SLC2A10: variants seen among roughly 807,000 people sequenced by gnomAD.
SLC2A10 encodes solute carrier family 2 member 10, also known as solute carrier family 2, facilitated glucose transporter member 10.
A neutral mutation model predicts 32.1 loss-of-function variants in SLC2A10; 25 were observed. The ratio of observed to expected loss-of-function variants is 0.78; its 90% CI spans 0.57 to 1.09. The LOEUF is 1.09. SLC2A10 is among the 50% of genes least tolerant of loss of function. SLC2A10 has a pLI of 0.00. For synonymous variants in SLC2A10, 332 were observed against 309.6 expected (o/e 1.07, Z -0.76); for missense variants, 673 against 686.5 (o/e 0.98, Z 0.22).
At chr20:46,721,452 A>G (rs4809600) in intron 1 of SLC2A10, among the ~76,000 whole-genome samples, 21,065 of 149,818 alleles carry the variant, frequency 0.14, 2,635 homozygotes, top group African/African-American at 0.33. Context: ...AAAAAAAAAA[A>G]AGAGAGAGAG....
intron 1 of SLC2A10, among the ~76,000 whole-genome samples, chr20:46,714,833 C>T (rs1979138457): frequency 6.6e-6 from 1 of 152,168 alleles, no homozygotes; most frequent in Admixed American, 6.5e-5. Context: ...CCTTTGAGGT[C>T]CTCCTTTATA....
In SLC2A10 at chr20:46,726,271, C is replaced by T; in HGVS notation, c.1235C>T (p.Ala412Val). The T allele has an allele frequency of 6.2e-7, 1 of 1,612,990 alleles. No homozygotes were observed. The highest frequency in any genetic ancestry group is 8.5e-7 in the Non-Finnish European group (1 of 1,180,040). ...ARGHALLRWTALLCLMVFVSA... is the reference protein window; with the variant it reads ...ARGHALLRWTVLLCLMVFVSA... ...GGGCATGCACTGCTGCGCTGGACCG[C>T]ACTGCTGTGCCTGATGGTCTTTGTC... The change falls in exon 2 of 5, where the codon GCA becomes GTA. Residue 412 changes from alanine (A) to valine (V), a missense_variant. By Grantham distance (64) the Ala-to-Val change is moderately conservative. Transcript: ENST00000359271.
rs940249001 is a variant in SLC2A10, at chr20:46,734,316, T to A, written c.*482T>A. Reference sequence around the variant, plus strand: ...ATCATTTTTTTTTTTTGAGGTGGAGTCTCATTCTGTTGCCCAGGCTGGCCT... The same window carrying A: ...ATCATTTTTTTTTTTTGAGGTGGAGACTCATTCTGTTGCCCAGGCTGGCCT... On this transcript the variant is annotated 3_prime_UTR_variant, in exon 5 of 5. Transcript: ENST00000359271. 9.7e-6 allele frequency: 2 copies of A among 206,942 alleles called. No individual in the cohort carries two copies. The highest frequency in any genetic ancestry group is 1.1e-4 in the Admixed American group (2 of 18,572). 12.8% of individuals were successfully genotyped at this position (206,942 alleles called of 1,614,324 possible).
chr20:46,716,677 T>C (rs1979259818), intron 1 of SLC2A10, among the ~76,000 whole-genome samples: 1 of 152,078 alleles, frequency 6.6e-6, no homozygotes, highest in Non-Finnish European at 1.5e-5. Context: ...CCAGCATCCA[T>C]ATGTGGTTAT....
Position 46,733,984 on chromosome 20 carries a change from G to A in SLC2A10, c.*150G>A. 2 of 741,172 alleles carry A rather than the reference G, an allele frequency of 2.7e-6. No homozygotes were observed. The highest frequency in any genetic ancestry group is 4.7e-6 in the Non-Finnish European group (2 of 422,404). 45.9% of individuals were successfully genotyped at this position (741,172 alleles called of 1,614,324 possible). On this transcript the variant is annotated 3_prime_UTR_variant, in exon 5 of 5. Transcript: ENST00000359271. ...TGGTCTGCTTTTGCTGGGGTAAAAA[G>A]GATGAAAGTCTGAGAATGCCCAACT...
At chr20:46,731,741 C>T (rs2123069063) in intron 4 of SLC2A10, among the ~76,000 whole-genome samples, 1 of 152,182 alleles carries the variant, frequency 6.6e-6, no homozygotes, top group Non-Finnish European at 1.5e-5. Flanking sequence ...TCAGGGGGCT[C>T]TTGATATCAG....
Position 46,725,322 on chromosome 20 carries a change from G to C in SLC2A10, c.286G>C (p.Gly96Arg). The C allele has an allele frequency of 6.2e-7, 1 of 1,614,086 alleles. No individual in the cohort carries two copies. The highest frequency in any genetic ancestry group is 8.5e-7 in the Non-Finnish European group (1 of 1,180,018). The stretch of plus-strand genomic sequence containing the variant: ...AGGCAGCCTGACCCTGGGCCTGGCT[G>C]GTTCCCTGGCCTGGCTGGTCCTGGG... ...LAGSLTLGLA[G>R]SLAWLVLGRA... The change falls in exon 2 of 5, where the codon GGT (glycine) becomes CGT (arginine). Residue 96 changes from glycine (G) to arginine (R), a missense_variant. Coordinates refer to ENST00000359271, the MANE Select transcript of SLC2A10 (RefSeq NM_030777.4).
chr20:46,710,912 T>C (rs1377210135), intron 1 of SLC2A10, among the ~76,000 whole-genome samples: 2 of 152,092 alleles, frequency 1.3e-5, no homozygotes, highest in Non-Finnish European at 1.5e-5. Flanking sequence ...GATCACTCTG[T>C]CGCCAGGCTG....
intron 3 of SLC2A10, among the ~76,000 whole-genome samples, chr20:46,728,744 A>C (rs2123060495): frequency 6.6e-6 from 1 of 151,368 alleles, no homozygotes; most frequent in Non-Finnish European, 1.5e-5. Flanking sequence ...CAGCCTCCCG[A>C]GTAGCTGGGG....
intron 1 of SLC2A10, among the ~76,000 whole-genome samples, chr20:46,716,417 T>C (rs1017619460): frequency 5.9e-5 from 9 of 152,040 alleles, no homozygotes; most frequent in Admixed American, 2.6e-4. Flanking sequence ...CCTCCCAAAG[T>C]GTTGGGATTA....
In SLC2A10 at chr20:46,725,174, G is replaced by A; in HGVS notation, c.138G>A (p.Glu46=). 5 of 1,614,224 alleles carry A rather than the reference G, an allele frequency of 3.1e-6. No individual in the cohort carries two copies. The highest frequency in any genetic ancestry group is 3.4e-6 in the Non-Finnish European group (4 of 1,180,038). ...LQLDFGLSCL[E]QEFLVGSLLL... ...TTGACTTTGGGCTAAGCTGCTTGGA[G>A]CAGGAGTTCCTGGTGGGCAGCCTGC... The change falls in exon 2 of 5, where the codon GAG becomes GAA. Residue 46 remains glutamate, a synonymous_variant. Coordinates refer to ENST00000359271, the MANE Select transcript of SLC2A10 (RefSeq NM_030777.4).
chr20:46,727,122 C>A, intron 3 of SLC2A10, 136 bp downstream of exon 3: 1 of 1,218,998 alleles, frequency 8.2e-7, no homozygotes, highest in Non-Finnish European at 1.2e-6. Flanking sequence ...ATGTCCAAGA[C>A]GACATCCAGG....
In SLC2A10 at chr20:46,736,243, A is replaced by G. The variant is rs986161128; in HGVS notation, c.*2409A>G. 10 of 152,130 alleles carry G rather than the reference A, an allele frequency of 6.6e-5. 1 individual carries two copies. The Middle Eastern group carries it at 0.019, about 289-fold the overall frequency. 9.4% of individuals were successfully genotyped at this position (152,130 alleles called of 1,614,324 possible). ...ATCTCTGTAAAATTTATACACACAA[A>G]AATTAACAAAAGATTCTGTAAGAAT... On this transcript the variant is annotated 3_prime_UTR_variant, in exon 5 of 5. Transcript: ENST00000359271.
At chr20:46,732,731 C>G (rs1980361007) in intron 4 of SLC2A10, among the ~76,000 whole-genome samples, 2 of 150,370 alleles carry the variant, frequency 1.3e-5, no homozygotes, top group South Asian at 4.2e-4. Context: ...CTGGCACTGT[C>G]ATCTTTAATC....
chr20:46,710,796 G>C (rs1568977908), intron 1 of SLC2A10, among the ~76,000 whole-genome samples: 1 of 152,214 alleles, frequency 6.6e-6, no homozygotes, highest in Admixed American at 6.5e-5. Context: ...GTGGTGAGAA[G>C]TTCAGATTTT....
intron 1 of SLC2A10, among the ~76,000 whole-genome samples, chr20:46,715,040 A>G (rs1191305253): frequency 6.6e-6 from 1 of 152,014 alleles, no homozygotes; most frequent in African/African-American, 2.4e-5. Flanking sequence ...GCAGGTCAGC[A>G]TTTCCATCCT....
intron 1 of SLC2A10, among the ~76,000 whole-genome samples, chr20:46,711,295 G>C (rs1023738263): frequency 1.3e-5 from 2 of 152,172 alleles, no homozygotes; most frequent in Non-Finnish European, 2.9e-5. Flanking sequence ...GAGAGGTGAG[G>C]TGAGTTCCCC....
intron 3 of SLC2A10, among the ~76,000 whole-genome samples, chr20:46,728,451 A>C (rs1456048067): frequency 6.6e-6 from 1 of 152,116 alleles, no homozygotes; most frequent in African/African-American, 2.4e-5. Flanking sequence ...GCTGGTTCTG[A>C]GACCCACCGG....
intron 4 of SLC2A10, among the ~76,000 whole-genome samples, chr20:46,731,847 C>T (rs1036289032): frequency 4.6e-5 from 7 of 152,172 alleles, no homozygotes; most frequent in Non-Finnish European, 7.4e-5. Context: ...ATAGTCTTTT[C>T]AGCAGCAACT....
Sources: allele counts gnomAD v4.1 joint callset (sites outside exome capture counted in the v4.1 genomes callset), GRCh38; gene constraint gnomAD v4.1.1; transcripts MANE v1.5; gene names NCBI Gene and HGNC (gene_info 2026-07-23, HGNC 2026-07-21).